Variants in DTNA observed in about 807,000 individuals in gnomAD.
DTNA encodes the protein dystrophin-related protein 3.
In DTNA, 43 loss-of-function variants were observed where a neutral mutation model predicts 100.7. That is an observed-to-expected ratio of 0.43 (90% CI 0.33 to 0.55). DTNA has a LOEUF of 0.55. DTNA is among the 20% of genes least tolerant of loss of function. DTNA has a pLI of 0.04. For missense variants in DTNA, 798 were observed against 953.9 expected (o/e 0.84, Z 2.15); for synonymous variants, 349 against 347.9 (o/e 1.00, Z -0.04).
chr18:34,496,703 G>T (rs560472147), intron 1 of DTNA, among the ~76,000 whole-genome samples: 1 of 152,160 alleles, frequency 6.6e-6, no homozygotes, highest in Non-Finnish European at 1.5e-5. Flanking sequence ...ATGATTACTT[G>T]TAAGTTGAGC....
chr18:34,821,074 G>T, intron 9 of DTNA, 159 bp downstream of exon 9: 1 of 1,084,716 alleles, frequency 9.2e-7, no homozygotes. Context: ...TTTTGTTGTT[G>T]TTGAGGTGTA....
intron 1 of DTNA, among the ~76,000 whole-genome samples, chr18:34,575,905 C>T (rs2048069764): frequency 6.6e-6 from 1 of 152,182 alleles, no homozygotes; most frequent in Non-Finnish European, 1.5e-5. Context: ...GACAGCATTT[C>T]AAACAACTTT....
At chr18:34,526,919 C>T (rs2042679177) in intron 1 of DTNA, among the ~76,000 whole-genome samples, 1 of 152,028 alleles carries the variant, frequency 6.6e-6, no homozygotes, top group African/African-American at 2.4e-5. Flanking sequence ...GAGGTGCAGG[C>T]AAGAATTTTC....
intron 1 of DTNA, among the ~76,000 whole-genome samples, chr18:34,636,940 A>G (rs1301520025): frequency 6.6e-6 from 1 of 152,134 alleles, no homozygotes; most frequent in Non-Finnish European, 1.5e-5. Context: ...TGCTCAATGG[A>G]TGCTTAATAG....
intron 4 of DTNA, among the ~76,000 whole-genome samples, chr18:34,803,931 C>T (rs905054864): frequency 6.6e-6 from 1 of 152,140 alleles, no homozygotes; most frequent in East Asian, 1.9e-4. Flanking sequence ...TGTGTGAGAC[C>T]AAGTGCTAGG....
intron 17 of DTNA, among the ~76,000 whole-genome samples, chr18:34,874,078 T>C (rs1201969071): frequency 6.6e-6 from 1 of 152,212 alleles, no homozygotes; most frequent in African/African-American, 2.4e-5. Flanking sequence ...ATGCTGAGCC[T>C]GGAGAGCTAA....
At chr18:34,873,551 C>T (rs2096785936) in intron 17 of DTNA, among the ~76,000 whole-genome samples, 1 of 152,234 alleles carries the variant, frequency 6.6e-6, no homozygotes, top group African/African-American at 2.4e-5. Flanking sequence ...CCCCTGGGCT[C>T]AGCCCCAGCC....
At chr18:34,699,871 A>T (rs1282257307) in intron 1 of DTNA, among the ~76,000 whole-genome samples, 1 of 152,300 alleles carries the variant, frequency 6.6e-6, no homozygotes, top group East Asian at 1.9e-4. Flanking sequence ...AAAACAAAAA[A>T]AAACTTGGCT....
chr18:34,494,890 G>GT (rs138843517), intron 1 of DTNA, among the ~76,000 whole-genome samples: 474 of 149,054 alleles, frequency 3.2e-3, no homozygotes, highest in South Asian at 9.2e-3. Context: ...AAAAATAATG[G>GT]TTTTTTTTTT....
At chr18:34,829,350 G>GCT (rs1461832032) in intron 10 of DTNA, 50 bp from the exon 11 acceptor site, 2 of 1,533,334 alleles carry the variant, frequency 1.3e-6, no homozygotes, top group Non-Finnish European at 1.7e-6. Flanking sequence ...AGTGGGCCTT[G>GCT]CTCTGTCCAT....
intron 1 of DTNA, among the ~76,000 whole-genome samples, chr18:34,655,265 C>G (rs183783207): frequency 9.5e-4 from 144 of 152,270 alleles, no homozygotes; most frequent in Non-Finnish European, 1.0e-3. Context: ...TTCACTGCCT[C>G]CTTCTCTCTT....
intron 1 of DTNA, among the ~76,000 whole-genome samples, chr18:34,550,535 C>G (rs1183763596): frequency 6.6e-6 from 1 of 152,056 alleles, no homozygotes; most frequent in African/African-American, 2.4e-5. Flanking sequence ...TCCAAAATTG[C>G]CTAGTTAAAT....
chr18:34,556,778 A>G (rs1191456441), intron 1 of DTNA, among the ~76,000 whole-genome samples: 13 of 151,810 alleles, frequency 8.6e-5, no homozygotes, highest in Non-Finnish European at 1.9e-4. Flanking sequence ...GGGTAACCCA[A>G]CCTTTCTCTC....
intron 1 of DTNA, chr18:34,593,334 T>C (rs1189094636): frequency 6.6e-6 from 1 of 152,166 alleles, no homozygotes; most frequent in Non-Finnish European, 1.5e-5. Context: ...AAGTTAAAGA[T>C]AGACACAGTA....
chr18:34,678,039 T>A (rs1299777219), intron 1 of DTNA, among the ~76,000 whole-genome samples: 1 of 152,144 alleles, frequency 6.6e-6, no homozygotes, highest in East Asian at 1.9e-4. Context: ...CTTCTTCATG[T>A]AGCAGCAGGA....
At chr18:34,806,936 T>C (rs2095375987) in intron 5 of DTNA, among the ~76,000 whole-genome samples, 1 of 150,358 alleles carries the variant, frequency 6.7e-6, no homozygotes, top group South Asian at 2.1e-4. Context: ...TGTTTGTTTG[T>C]TTGCTTTAGG....
intron 1 of DTNA, among the ~76,000 whole-genome samples, chr18:34,610,473 C>T (rs1455381029): frequency 3.9e-5 from 6 of 152,102 alleles, no homozygotes; most frequent in South Asian, 2.1e-4. Context: ...ACTGAGCATA[C>T]GGAACATGAT....
At chr18:34,871,392 A>C (rs2096764189) in intron 17 of DTNA, among the ~76,000 whole-genome samples, 1 of 152,150 alleles carries the variant, frequency 6.6e-6, no homozygotes, top group Non-Finnish European at 1.5e-5. Context: ...AGCTATTTTA[A>C]ATTTGCCAAG....
In DTNA at chr18:34,727,571, T is replaced by C. The variant is rs143840530; in HGVS notation, c.-2+17126T>C. Among the ~76,000 whole-genome samples, 434 of 152,284 alleles carry C rather than the reference T, an allele frequency of 2.8e-3. 2 individuals carry two copies. The highest frequency in any genetic ancestry group is 9.9e-3 in the African/African-American group (412 of 41,560). On this transcript the variant is annotated intron_variant, in intron 1 of 22. Coordinates refer to ENST00000444659, the MANE Select transcript of DTNA (RefSeq NM_001386795.1). Reference sequence around the variant, plus strand: ...TGGAAACCATTTAAAATGTCCTTTTTTTTTCTTTGAGAGAGACAGTTTTGC... The same window carrying C: ...TGGAAACCATTTAAAATGTCCTTTTCTTTTCTTTGAGAGAGACAGTTTTGC...
Sources: allele counts gnomAD v4.1 joint callset (sites outside exome capture counted in the v4.1 genomes callset), GRCh38; gene constraint gnomAD v4.1.1; transcripts MANE v1.5; gene names NCBI Gene and HGNC (gene_info 2026-07-23, HGNC 2026-07-21).